Variants in HDAC8 observed in about 807,000 individuals in gnomAD.
HDAC8 encodes histone deacetylase-like 1.
A neutral mutation model predicts 32.2 loss-of-function variants in HDAC8; 1 was observed. That is an observed-to-expected ratio of 0.03 (90% CI 0.01 to 0.15). The LOEUF (loss-of-function observed/expected upper bound fraction) is 0.15, where lower values mean the gene tolerates loss of function less well. Ranked by LOEUF, HDAC8 falls within the 10% of genes least tolerant of loss-of-function variation. The pLI is 1.00. For synonymous variants in HDAC8, 108 were observed against 113.9 expected (o/e 0.95, Z 0.33); for missense variants, 117 against 300.0 (o/e 0.39, Z 4.51).
chrX:72,366,716 G>A (rs1311867960), intron 9 of HDAC8, among the ~76,000 whole-genome samples: 1 of 112,045 alleles, frequency 8.9e-6, no homozygotes, highest in African/African-American at 3.2e-5. Context: ...AGTCAGGCCT[G>A]GTCATTGTCA....
intron 7 of HDAC8, among the ~76,000 whole-genome samples, chrX:72,468,749 AG>A (rs1555996136): frequency 2.7e-5 from 3 of 111,992 alleles, no homozygotes. Flanking sequence ...CCACTAGGGG[AG>A]GAAAACAGGA....
intron 7 of HDAC8, among the ~76,000 whole-genome samples, chrX:72,486,300 A>T (rs1556005721): frequency 9.0e-6 from 1 of 111,398 alleles, no homozygotes; most frequent in East Asian, 2.8e-4. Flanking sequence ...ATTCAAAGGC[A>T]TAATGCCTGG....
At chrX:72,559,880 C>T (rs1391063098) in intron 4 of HDAC8, among the ~76,000 whole-genome samples, 2 of 110,571 alleles carry the variant, frequency 1.8e-5, no homozygotes, top group African/African-American at 6.6e-5. Context: ...TGGCAGCCAC[C>T]CCGTCCGGGA....
chrX:72,383,762 C>T (rs1396198367), intron 9 of HDAC8, among the ~76,000 whole-genome samples: 3 of 105,510 alleles, frequency 2.8e-5, no homozygotes, highest in Non-Finnish European at 3.9e-5. Context: ...TCCAGCTAGT[C>T]GGGAGGCTGA....
chrX:72,487,340 T>C (rs1556006301), intron 7 of HDAC8, among the ~76,000 whole-genome samples: 1 of 111,083 alleles, frequency 9.0e-6, no homozygotes, highest in Non-Finnish European at 1.9e-5. Context: ...AAAGAGAAAA[T>C]ATAGGGTAGA....
chrX:72,420,995 C>T (rs1404979336), intron 9 of HDAC8, among the ~76,000 whole-genome samples: 1 of 110,182 alleles, frequency 9.1e-6, no homozygotes, highest in Non-Finnish European at 1.9e-5. Context: ...TGCAATTTTT[C>T]GTTTTGTTCC....
chrX:72,373,311 C>T (rs2044943177), intron 9 of HDAC8, among the ~76,000 whole-genome samples: 1 of 111,886 alleles, frequency 8.9e-6, no homozygotes, highest in Admixed American at 9.5e-5. Flanking sequence ...GTTGTGCAAC[C>T]ACTATCTAAT....
chrX:72,553,362 T>G (rs1210635749), intron 4 of HDAC8, among the ~76,000 whole-genome samples: 1 of 111,796 alleles, frequency 8.9e-6, no homozygotes, highest in Non-Finnish European at 1.9e-5. Context: ...CCATTTTTAA[T>G]GGTTTTATAA....
intron 4 of HDAC8, among the ~76,000 whole-genome samples, chrX:72,518,586 A>G (rs370539278): frequency 8.9e-6 from 1 of 111,737 alleles, no homozygotes; most frequent in Admixed American, 9.5e-5. Flanking sequence ...ATTATTCATT[A>G]AAGTCCATAG....
intron 9 of HDAC8, among the ~76,000 whole-genome samples, chrX:72,399,429 C>T (rs1219202886): frequency 8.9e-6 from 1 of 112,271 alleles, no homozygotes; most frequent in East Asian, 2.8e-4. Context: ...GTTATTGTTG[C>T]TCTTCAAGAA....
intron 2 of HDAC8, among the ~76,000 whole-genome samples, chrX:72,570,313 T>A (rs1297926739): frequency 8.9e-6 from 1 of 112,312 alleles, no homozygotes. Context: ...ACTGAAAACC[T>A]CCCTATTTAA....
chrX:72,426,800 C>T (rs1292708525), intron 9 of HDAC8, among the ~76,000 whole-genome samples: 1 of 110,525 alleles, frequency 9.0e-6, no homozygotes, highest in African/African-American at 3.3e-5. Flanking sequence ...CTAACCCCCA[C>T]TGTGACTATA....
intron 10 of HDAC8, among the ~76,000 whole-genome samples, chrX:72,349,054 T>C (rs2044103947): frequency 8.9e-6 from 1 of 112,490 alleles, no homozygotes; most frequent in African/African-American, 3.2e-5. Context: ...CCACTTTGGA[T>C]AGTTCTAATT....
chrX:72,368,964 C>A (rs781935891), intron 9 of HDAC8, among the ~76,000 whole-genome samples: 1 of 111,941 alleles, frequency 8.9e-6, no homozygotes, highest in African/African-American at 3.2e-5. Context: ...TCGTGACGAC[C>A]TTGGTTCTGG....
intron 9 of HDAC8, among the ~76,000 whole-genome samples, chrX:72,355,898 C>T (rs2044336964): frequency 8.9e-6 from 1 of 111,940 alleles, no homozygotes; most frequent in Non-Finnish European, 1.9e-5. Context: ...CTAGGTTAGT[C>T]ATTGGGGTAC....
At chrX:72,554,497 G>GGAGCGGGGA (rs1397312778) in intron 4 of HDAC8, among the ~76,000 whole-genome samples, 2 of 44,021 alleles carry the variant, frequency 4.5e-5, no homozygotes, top group Non-Finnish European at 1.1e-4. Flanking sequence ...TAGGGCGGGG[G>GGAGCGGGGA]GAGCGGGGAG....
chrX:72,522,299 A>T, intron 4 of HDAC8, among the ~76,000 whole-genome samples: 1 of 112,657 alleles, frequency 8.9e-6, no homozygotes. Flanking sequence ...AGTTTGTAAC[A>T]TTATCTCTGT....
intron 4 of HDAC8, among the ~76,000 whole-genome samples, chrX:72,524,984 G>A (rs2050094129): frequency 8.9e-6 from 1 of 111,751 alleles, no homozygotes; most frequent in Non-Finnish European, 1.9e-5. Context: ...GTTGGGGGTA[G>A]TTTCATCAGG....
chrX:72,338,933 C>T (rs1260385390), intron 10 of HDAC8, among the ~76,000 whole-genome samples: 2 of 108,366 alleles, frequency 1.8e-5, no homozygotes, highest in Non-Finnish European at 3.8e-5. Flanking sequence ...ACTTTAATAC[C>T]TATTTTGGCC....
Sources: gnomAD v4.1 joint callset for allele counts (sites outside exome capture counted in the v4.1 genomes callset) on GRCh38, gnomAD v4.1.1 for gene constraint, MANE v1.5 for transcripts, NCBI Gene and HGNC (gene_info 2026-07-23, HGNC 2026-07-21) for gene names.